The following FAM131C variants were observed in gnomAD, a reference collection of about 807,000 sequenced individuals.
FAM131C encodes the protein protein FAM131C.
Under a neutral mutation model 29.8 loss-of-function variants are expected in FAM131C, and 14 were observed. That is an observed-to-expected ratio of 0.47 (90% confidence interval 0.31 to 0.73). The LOEUF (loss-of-function observed/expected upper bound fraction) is 0.73. FAM131C is among the 30% of genes least tolerant of loss of function. The pLI is 0.05. For missense variants in FAM131C, 252 were observed against 383.8 expected (o/e 0.66, Z 2.87); for synonymous variants, 86 against 157.8 (o/e 0.54, Z 3.41).
Position 16,062,144 on chromosome 1 carries a change from G to A in FAM131C, c.223C>T (p.Pro75Ser), listed in dbSNP as rs761645379. 5.6e-6 allele frequency: 9 copies of A among 1,611,808 alleles called. No homozygotes were observed. The highest frequency in any genetic ancestry group is 2.7e-5 in the African/African-American group (2 of 74,888). Reference sequence around the variant, plus strand: ...AGGGCTGCCACGTTGTAGTTGCCGGGGCGGGATCTGGAGTCGGACAGGTAG... The same window carrying A: ...AGGGCTGCCACGTTGTAGTTGCCGGAGCGGGATCTGGAGTCGGACAGGTAG... The part of the protein sequence containing the change: ...NGYLSDSRSR[P>S]GNYNVAALAT... Residue 75 changes from proline to serine, a missense_variant, in exon 4 of 7, where the codon CCC (proline) becomes TCC (serine). Transcript: ENST00000375662.
At chr1:16,062,736 G>C (rs2023620991) in intron 2 of FAM131C, among the ~76,000 whole-genome samples, 1 of 152,260 alleles carries the variant, frequency 6.6e-6, no homozygotes, top group African/African-American at 2.4e-5. Context: ...GGTGCTGGGA[G>C]GACAGGCCTC....
intron 1 of FAM131C, among the ~76,000 whole-genome samples, chr1:16,073,208 C>T (rs1489086631): frequency 1.3e-5 from 2 of 152,086 alleles, no homozygotes; most frequent in African/African-American, 2.4e-5. Context: ...CAAACTGGGG[C>T]GGGGATGCGG....
intron 1 of FAM131C, among the ~76,000 whole-genome samples, chr1:16,069,093 G>C (rs1028375013): frequency 6.6e-6 from 1 of 152,152 alleles, no homozygotes; most frequent in Admixed American, 6.5e-5. Flanking sequence ...GGCTCAGAGA[G>C]GATAAATCAC....
Position 16,073,429 on chromosome 1 carries a change from A to G in FAM131C, c.14T>C (p.Val5Ala), listed in dbSNP as rs2023779340. 2 of 1,210,382 alleles carry G rather than the reference A, an allele frequency of 1.7e-6. No individual in the cohort carries two copies. Among genetic ancestry groups the G allele is most frequent in the Admixed American group, 8.7e-5 (2 of 22,936 alleles). 75.0% of individuals were successfully genotyped at this position (1,210,382 alleles called of 1,614,324 possible). A position where few individuals can be genotyped will look rare whatever the true frequency, so the allele number is the denominator to read the frequency against. MGSCVSRDLFTSAHK... is the reference protein window; with the variant it reads MGSCASRDLFTSAHK... Reference sequence around the variant, plus strand: ...CGGCCGGGCCCCCTCACCTCGCGACACGCAGGAGCCCATCACGGGGCCGCG... The same window carrying G: ...CGGCCGGGCCCCCTCACCTCGCGACGCGCAGGAGCCCATCACGGGGCCGCG... Residue 5 changes from valine (V) to alanine (A), a missense_variant, in exon 1 of 7, where the codon GTG becomes GCG. Around this residue, in one of 6 missense-constraint regions of FAM131C, gnomAD observed 76 missense variants for 62.8 expected, o/e 1.21. Coordinates refer to ENST00000375662, the MANE Select transcript of FAM131C (RefSeq NM_182623.3).
intron 1 of FAM131C, among the ~76,000 whole-genome samples, 170 bp from the exon 2 acceptor site, chr1:16,063,806 C>A (rs568436477): frequency 1.2e-4 from 19 of 152,144 alleles, no homozygotes; most frequent in Non-Finnish European, 2.5e-4. Context: ...CAGATGCCCT[C>A]CTGCCTGTGC....
In FAM131C at chr1:16,062,097, A is replaced by T. The variant is rs1337280255; in HGVS notation, c.268+2T>A. The T allele has an allele frequency of 6.2e-7, 1 of 1,610,984 alleles. No homozygotes were observed. Among genetic ancestry groups the T allele is most frequent in the Non-Finnish European group, 8.5e-7 (1 of 1,179,304 alleles). ...GGCAGGAGAGTTGCGGCCAGAACCT[A>T]CCCACAAGGGACGAGGTGGCCAGGG... On this transcript the variant is annotated splice_donor_variant, in intron 4 of 6. Coordinates refer to ENST00000375662, the MANE Select transcript of FAM131C (RefSeq NM_182623.3). LOFTEE classifies it high-confidence loss of function.
At position 16,073,528 on chromosome 1, in the gene FAM131C, T is replaced by C. The variant is rs2023780962; in HGVS notation, c.-86A>G. ...TCTCCGCGGGCCCGGGGCTGAGCGCTGCGGAGCCAGAGGACGGGCGGGGCG... is the reference window on the plus strand; with the variant it reads ...TCTCCGCGGGCCCGGGGCTGAGCGCCGCGGAGCCAGAGGACGGGCGGGGCG... On this transcript the variant is annotated 5_prime_UTR_variant, in exon 1 of 7. Coordinates refer to ENST00000375662, the MANE Select transcript of FAM131C (RefSeq NM_182623.3). 3.6e-6 allele frequency: 3 copies of C among 825,028 alleles called. No homozygotes were observed. Among genetic ancestry groups the C allele is most frequent in the Non-Finnish European group, 3.1e-6 (2 of 635,028 alleles). 51.1% of individuals were successfully genotyped at this position (825,028 alleles called of 1,614,324 possible). A position where few individuals can be genotyped will look rare whatever the true frequency, so the allele number is the denominator to read the frequency against.
At chr1:16,058,863 A>G (rs1262063298) in intron 6 of FAM131C, 146 bp from the exon 7 acceptor site, 1 of 1,332,092 alleles carries the variant, frequency 7.5e-7, no homozygotes, top group Non-Finnish European at 1.0e-6. Flanking sequence ...TGGTCAAGTC[A>G]CCAAAACTCT....
intron 1 of FAM131C, among the ~76,000 whole-genome samples, chr1:16,064,625 C>A (rs77818589): frequency 0.03 from 4,619 of 152,344 alleles, 92 homozygotes; most frequent in Middle Eastern, 0.065. Context: ...CTGGGTGGGG[C>A]CGTCAGCATC....
intron 1 of FAM131C, among the ~76,000 whole-genome samples, chr1:16,064,517 T>G (rs796399768): frequency 1.4e-4 from 22 of 152,268 alleles, no homozygotes; most frequent in African/African-American, 5.1e-4. Flanking sequence ...CTCTCCACTC[T>G]GTCCACTTTG....
intron 5 of FAM131C, 118 bp from the exon 6 acceptor site, chr1:16,059,722 C>A: frequency 3.3e-6 from 2 of 599,516 alleles, no homozygotes; most frequent in South Asian, 1.1e-4. Flanking sequence ...CCAATCCACA[C>A]CCCAGTGGTC....
chr1:16,060,167 T>G, intron 4 of FAM131C, 116 bp from the exon 5 acceptor site: 1 of 273,310 alleles, frequency 3.7e-6, no homozygotes, highest in Non-Finnish European at 5.8e-6. Context: ...CAGTGCACCA[T>G]GATCTCCATC....
At chr1:16,059,067 T>C (rs2023543411) in intron 6 of FAM131C, among the ~76,000 whole-genome samples, 1 of 151,894 alleles carries the variant, frequency 6.6e-6, no homozygotes, top group Non-Finnish European at 1.5e-5. Context: ...AGTAGTAACC[T>C]GGGCTTCTAG....
Position 16,073,584 on chromosome 1 carries a change from G to C in FAM131C, c.-142C>G, listed in dbSNP as rs1185363525. 1 of 296,970 alleles carries C rather than the reference G, an allele frequency of 3.4e-6. No homozygotes were observed. The highest frequency in any genetic ancestry group is 5.7e-6 in the Non-Finnish European group (1 of 175,526). 18.4% of individuals were successfully genotyped at this position (296,970 alleles called of 1,614,324 possible). On this transcript the variant is annotated 5_prime_UTR_variant, in exon 1 of 7. Coordinates refer to ENST00000375662, the MANE Select transcript of FAM131C (RefSeq NM_182623.3). ...CTCGGGCGCCCTCAGCTCGGCCTCA[G>C]CTCCAGCCTGGGTCGTCCCTGCTGC...
intron 1 of FAM131C, among the ~76,000 whole-genome samples, chr1:16,071,523 G>A (rs987094439): frequency 2.0e-5 from 3 of 152,186 alleles, no homozygotes; most frequent in South Asian, 2.1e-4. Flanking sequence ...GAGTCTCTGG[G>A]ACCCTGGCTG....
At chr1:16,068,203 G>A (rs1019172572) in intron 1 of FAM131C, among the ~76,000 whole-genome samples, 3 of 152,218 alleles carry the variant, frequency 2.0e-5, no homozygotes, top group South Asian at 2.1e-4. Flanking sequence ...GAACGTAAGC[G>A]GCCAAGGCAT....
chr1:16,060,689 G>C (rs1443293639), intron 4 of FAM131C, among the ~76,000 whole-genome samples: 1 of 152,196 alleles, frequency 6.6e-6, no homozygotes. Context: ...TCTGGCGTGA[G>C]TCCAGGATTA....
chr1:16,061,401 C>T (rs1057361880), intron 4 of FAM131C, among the ~76,000 whole-genome samples: 3 of 152,096 alleles, frequency 2.0e-5, no homozygotes, highest in African/African-American at 7.2e-5. Context: ...CTGTGGTGGC[C>T]ACCGAAACCT....
chr1:16,062,593 C>G lies in FAM131C; in HGVS notation c.139-59G>C. On this transcript the variant is annotated intron_variant, in intron 2 of 6. Transcript: ENST00000375662. ...CCTGGCACGCTGTGCCAGCAGATGGCCCGAGTCCTGGGGCCCTGGGTGGGG... is the reference window on the plus strand; with the variant it reads ...CCTGGCACGCTGTGCCAGCAGATGGGCCGAGTCCTGGGGCCCTGGGTGGGG... 10 of 1,538,512 alleles carry G rather than the reference C, an allele frequency of 6.5e-6. No individual in the cohort carries two copies. In the South Asian group the frequency reaches 1.2e-4, roughly 19 times the overall value.
Sources: allele counts gnomAD v4.1 joint callset (sites outside exome capture counted in the v4.1 genomes callset), GRCh38; gene constraint gnomAD v4.1.1; regional missense constraint gnomAD v4.1.1; transcripts MANE v1.5; gene names NCBI Gene and HGNC (gene_info 2026-07-23, HGNC 2026-07-21).